The following RPS6KC1 variants were observed in gnomAD, a reference collection of about 807,000 sequenced individuals.
The protein encoded by RPS6KC1 is ribosomal protein S6 kinase C1, also known as inactive ribosomal protein S6 kinase delta-1.
In RPS6KC1, 54 loss-of-function variants were observed where a neutral mutation model predicts 103.8. That is an observed-to-expected ratio of 0.52 (90% confidence interval 0.42 to 0.65). RPS6KC1 has a LOEUF of 0.65. Ranked by LOEUF, RPS6KC1 falls within the 30% of genes least tolerant of loss-of-function variation. The pLI is 0.00. For missense variants in RPS6KC1, 1,151 were observed against 1,253.8 expected, an observed-to-expected ratio of 0.92 and a Z score of 1.24; for synonymous variants, 439 against 438.7, an observed-to-expected ratio of 1.00 and a Z score of -0.01.
chr1:213,460,571 C>T, the RPS6KC1 span, among the ~76,000 whole-genome samples: 1 of 152,062 alleles, frequency 6.6e-6, no homozygotes, highest in Non-Finnish European at 1.5e-5. Flanking sequence ...TTAATTGGGG[C>T]ATTTAGCCTG....
chr1:213,155,089 A>G (rs1351383730), intron 6 of RPS6KC1, among the ~76,000 whole-genome samples: 1 of 152,204 alleles, frequency 6.6e-6, no homozygotes, highest in Non-Finnish European at 1.5e-5. Context: ...AACTCTGACC[A>G]GTGCCCTATC....
At chr1:213,073,667 A>G (rs967990846) in intron 2 of RPS6KC1, among the ~76,000 whole-genome samples, 3 of 151,560 alleles carry the variant, frequency 2.0e-5, no homozygotes, top group African/African-American at 7.3e-5. Context: ...TTATTTATTT[A>G]TTATTTATAT....
intron 8 of RPS6KC1, among the ~76,000 whole-genome samples, chr1:213,195,862 TTTTC>T (rs1246502581): frequency 6.6e-6 from 1 of 151,322 alleles, no homozygotes; most frequent in Non-Finnish European, 1.5e-5. Flanking sequence ...ATATACCATA[TTTTC>T]TTTATCTACT....
At position 213,272,683 on chromosome 1, in the gene RPS6KC1, C is replaced by A; in HGVS notation, c.*49C>A. On this transcript the variant is annotated 3_prime_UTR_variant, in exon 15 of 15. Transcript: ENST00000366960. ...ACATTCTGATCTTCTCTGTGACAGG[C>A]ATCTCCAGCACTGAGGCACCTCTGA... 7.2e-7 allele frequency: 1 copy of A among 1,386,546 alleles called. No individual in the cohort carries two copies. Among genetic ancestry groups the A allele is most frequent in the Non-Finnish European group, 1.0e-6 (1 of 975,098 alleles). 85.9% of individuals were successfully genotyped at this position (1,386,546 alleles called of 1,614,324 possible).
chr1:213,631,016 T>C, the RPS6KC1 span, among the ~76,000 whole-genome samples: 21,820 of 152,080 alleles, frequency 0.14, 2,481 homozygotes, highest in African/African-American at 0.32. Flanking sequence ...GAGCCAGGTG[T>C]GGGATATAAT....
chr1:213,370,685 T>C, the RPS6KC1 span, among the ~76,000 whole-genome samples: 8 of 152,112 alleles, frequency 5.3e-5, no homozygotes, highest in Non-Finnish European at 1.2e-4. Context: ...CAAACTGAGG[T>C]TCGAAGAGAT....
chr1:213,582,199 TGAAAG>T, the RPS6KC1 span, among the ~76,000 whole-genome samples: 20 of 150,472 alleles, frequency 1.3e-4, no homozygotes, highest in African/African-American at 4.3e-4. Context: ...TTGCTGCAGC[TGAAAG>T]GTAAAGGAAA....
chr1:213,453,158 C>T, the RPS6KC1 span, among the ~76,000 whole-genome samples: 342 of 152,190 alleles, frequency 2.2e-3, 1 homozygote, highest in Middle Eastern at 0.02. Context: ...TATCTTGACA[C>T]ATTTCTACTC....
intron 6 of RPS6KC1, among the ~76,000 whole-genome samples, chr1:213,152,536 T>A (rs1341363202): frequency 8.0e-6 from 1 of 125,294 alleles, no homozygotes; most frequent in Non-Finnish European, 1.6e-5. Flanking sequence ...GGCGGCCGGG[T>A]AGAGATGCTC....
At chr1:213,334,373 A>G in the RPS6KC1 span, among the ~76,000 whole-genome samples, 1 of 151,940 alleles carries the variant, frequency 6.6e-6, no homozygotes, top group African/African-American at 2.4e-5. Context: ...TATTAGGAGA[A>G]CTCCTGGCAG....
chr1:213,781,759 T>C, the RPS6KC1 span, among the ~76,000 whole-genome samples: 13 of 152,102 alleles, frequency 8.5e-5, no homozygotes, highest in Middle Eastern at 3.2e-3. Context: ...TTTGGTTAAT[T>C]CTTAGTTGAG....
chr1:213,755,159 T>G, the RPS6KC1 span, among the ~76,000 whole-genome samples: 1 of 152,094 alleles, frequency 6.6e-6, no homozygotes, highest in African/African-American at 2.4e-5. Flanking sequence ...AGGGAGAGCT[T>G]GAATGTGGGG....
At chr1:213,776,274 A>C in the RPS6KC1 span, among the ~76,000 whole-genome samples, 1 of 152,314 alleles carries the variant, frequency 6.6e-6, no homozygotes, top group South Asian at 2.1e-4. Context: ...CTGTCGGAGG[A>C]ATCACTCTCT....
chr1:213,588,060 G>A, the RPS6KC1 span, among the ~76,000 whole-genome samples: 4 of 152,110 alleles, frequency 2.6e-5, no homozygotes, highest in Admixed American at 2.6e-4. Flanking sequence ...CGTGGTAGAA[G>A]GGGCCAATAA....
intron 12 of RPS6KC1, among the ~76,000 whole-genome samples, chr1:213,248,546 T>G (rs1221884579): frequency 1.3e-5 from 2 of 152,150 alleles, no homozygotes; most frequent in Non-Finnish European, 2.9e-5. Context: ...TGTATATCCA[T>G]GAAACTTGTA....
chr1:213,523,847 G>A, the RPS6KC1 span, among the ~76,000 whole-genome samples: 2 of 152,200 alleles, frequency 1.3e-5, no homozygotes, highest in South Asian at 4.1e-4. Flanking sequence ...TGATGAAAGG[G>A]CCTTGGTTGG....
At chr1:213,212,554 G>A (rs572270470) in intron 8 of RPS6KC1, among the ~76,000 whole-genome samples, 1 of 152,266 alleles carries the variant, frequency 6.6e-6, no homozygotes, top group South Asian at 2.1e-4. Flanking sequence ...CATGTGCAGG[G>A]GTTTTTGTGG....
intron 4 of RPS6KC1, 148 bp from the exon 5 acceptor site, chr1:213,117,169 T>C: frequency 1.9e-6 from 1 of 515,068 alleles, no homozygotes; most frequent in Non-Finnish European, 3.4e-6. Flanking sequence ...CTATTGTTTT[T>C]TTTTGAAAAC....
the RPS6KC1 span, among the ~76,000 whole-genome samples, chr1:213,622,208 A>C: frequency 6.7e-6 from 1 of 150,010 alleles, no homozygotes; most frequent in Non-Finnish European, 1.5e-5. Context: ...AATTTTAGGC[A>C]TTACCCTGCT....
Sources: allele counts gnomAD v4.1 joint callset (sites outside exome capture counted in the v4.1 genomes callset), GRCh38; gene constraint gnomAD v4.1.1; transcripts MANE v1.5; gene names NCBI Gene and HGNC (gene_info 2026-07-23, HGNC 2026-07-21).